The following DLG2 variants were observed in gnomAD, a reference collection of about 807,000 sequenced individuals.
DLG2 encodes disks large homolog 2.
Under a neutral mutation model 132.5 loss-of-function variants are expected in DLG2, and 45 were observed. The ratio of observed to expected loss-of-function variants is 0.34; its 90% CI spans 0.27 to 0.44. The LOEUF (loss-of-function observed/expected upper bound fraction) is 0.44, where lower values mean the gene tolerates loss of function less well. Among genes scored for constraint, DLG2 ranks in the 20% least tolerant of loss-of-function variants. The pLI, the probability that DLG2 is intolerant of heterozygous loss-of-function variation, is 1.00. For synonymous variants in DLG2, 424 were observed against 419.6 expected (o/e 1.01, Z -0.13); for missense variants, 1,045 against 1,196.9 (o/e 0.87, Z 1.87).
intron 14 of DLG2, among the ~76,000 whole-genome samples, chr11:83,934,347 T>G (rs527802656): frequency 6.6e-6 from 1 of 152,328 alleles, no homozygotes; most frequent in South Asian, 2.1e-4. Flanking sequence ...GACTCTATCT[T>G]TAAAAGTTTG....
At chr11:84,903,823 G>A (rs1007314195) in intron 6 of DLG2, among the ~76,000 whole-genome samples, 2 of 152,038 alleles carry the variant, frequency 1.3e-5, no homozygotes, top group African/African-American at 4.8e-5. Context: ...AGCCAATAAT[G>A]ATTAAAGGCA....
At chr11:84,612,066 C>G (rs2099596465) in intron 6 of DLG2, among the ~76,000 whole-genome samples, 1 of 152,180 alleles carries the variant, frequency 6.6e-6, no homozygotes. Flanking sequence ...CCATTGCTCT[C>G]AAAAGTTTCC....
At chr11:83,849,522 A>C (rs1248024874) in intron 16 of DLG2, among the ~76,000 whole-genome samples, 1 of 151,806 alleles carries the variant, frequency 6.6e-6, no homozygotes, top group Non-Finnish European at 1.5e-5. Context: ...CGAAATGTAG[A>C]ATAATAAAAG....
intron 6 of DLG2, among the ~76,000 whole-genome samples, chr11:84,640,916 G>A (rs1336873186): frequency 6.6e-6 from 1 of 150,660 alleles, no homozygotes; most frequent in Admixed American, 6.6e-5. Flanking sequence ...CTCCAGCCTG[G>A]GTGACAGAGT....
At chr11:84,363,750 C>T (rs1389075515) in intron 7 of DLG2, among the ~76,000 whole-genome samples, 1 of 151,504 alleles carries the variant, frequency 6.6e-6, no homozygotes, top group Non-Finnish European at 1.5e-5. Flanking sequence ...TTTCCCAGCA[C>T]CATTTATTAA....
At chr11:84,871,959 G>C (rs778610738) in intron 6 of DLG2, among the ~76,000 whole-genome samples, 22 of 152,280 alleles carry the variant, frequency 1.4e-4, no homozygotes, top group African/African-American at 4.8e-4. Flanking sequence ...TCAAGCGTGA[G>C]CCACCATGCC....
rs2094728695 is a variant in DLG2 at position 83,779,705 on chromosome 11, G to A, written c.1825+6985C>T. Among the ~76,000 whole-genome samples, 3 of 152,092 alleles carry A rather than the reference G, an allele frequency of 2.0e-5. No individual in the cohort carries two copies. The South Asian group carries it at 6.2e-4, about 31-fold the overall frequency. ...ATGCTGAACTTTAGTTCCTCCATAT[G>A]TGAAATGAGTAAACTTGACAAGATT... On this transcript the variant is annotated intron_variant, in intron 18 of 27. Transcript: ENST00000376104.
chr11:84,909,227 T>C (rs2091843111), intron 6 of DLG2, among the ~76,000 whole-genome samples: 1 of 152,214 alleles, frequency 6.6e-6, no homozygotes, highest in South Asian at 2.1e-4. Flanking sequence ...TCTTGCTCAT[T>C]TCTTTACAAG....
At chr11:84,586,336 T>A (rs192656771) in intron 6 of DLG2, among the ~76,000 whole-genome samples, 5 of 152,294 alleles carry the variant, frequency 3.3e-5, no homozygotes, top group African/African-American at 1.2e-4. Flanking sequence ...ACTCTAATAG[T>A]CTATTTTGTC....
chr11:83,852,516 A>C (rs539716823), intron 16 of DLG2, among the ~76,000 whole-genome samples: 1 of 152,346 alleles, frequency 6.6e-6, no homozygotes, highest in South Asian at 2.1e-4. Flanking sequence ...AAAAAGACAA[A>C]GGACTACCAT....
intron 3 of DLG2, among the ~76,000 whole-genome samples, chr11:85,529,113 T>C (rs1355145232): frequency 1.3e-5 from 2 of 152,204 alleles, no homozygotes; most frequent in African/African-American, 2.4e-5. Context: ...TTCACACAAA[T>C]ATATATGCAC....
intron 6 of DLG2, among the ~76,000 whole-genome samples, chr11:84,610,439 C>T (rs895908827): frequency 6.6e-6 from 1 of 152,028 alleles, no homozygotes. Context: ...TCAATATAGT[C>T]ATATCACCAG....
chr11:85,544,354 T>G (rs1205415013), intron 3 of DLG2, among the ~76,000 whole-genome samples: 1 of 152,186 alleles, frequency 6.6e-6, no homozygotes, highest in African/African-American at 2.4e-5. Flanking sequence ...GGTTTATATA[T>G]CTGTTTTGCT....
chr11:84,127,317 C>G (rs970308185), intron 9 of DLG2, among the ~76,000 whole-genome samples: 4 of 152,144 alleles, frequency 2.6e-5, no homozygotes, highest in Non-Finnish European at 4.4e-5. Flanking sequence ...CCAATACTCC[C>G]CAGTGATCAA....
intron 6 of DLG2, among the ~76,000 whole-genome samples, chr11:84,591,707 C>A (rs1046397048): frequency 6.6e-6 from 1 of 151,734 alleles, no homozygotes; most frequent in African/African-American, 2.4e-5. Flanking sequence ...AAAGAACTAA[C>A]AGCTTGAGGT....
intron 19 of DLG2, among the ~76,000 whole-genome samples, chr11:83,584,868 C>A (rs945143412): frequency 2.6e-5 from 4 of 152,204 alleles, no homozygotes; most frequent in Non-Finnish European, 4.4e-5. Flanking sequence ...ACTCAGTCAA[C>A]TGTAGGTGCT....
intron 6 of DLG2, among the ~76,000 whole-genome samples, chr11:85,045,540 G>T (rs1052533139): frequency 2.0e-5 from 3 of 151,898 alleles, no homozygotes; most frequent in Non-Finnish European, 1.5e-5. Context: ...AGAGGTTGTA[G>T]GAGGGCTAAA....
intron 3 of DLG2, among the ~76,000 whole-genome samples, chr11:85,292,008 T>G (rs933147069): frequency 7.9e-5 from 12 of 152,174 alleles, no homozygotes; most frequent in Admixed American, 2.6e-4. Flanking sequence ...AGCTGGACAG[T>G]ATAGCACAGG....
intron 5 of DLG2, among the ~76,000 whole-genome samples, chr11:85,126,217 T>G (rs2075094430): frequency 6.6e-6 from 1 of 152,192 alleles, no homozygotes; most frequent in African/African-American, 2.4e-5. Flanking sequence ...CGTCCATGTA[T>G]TTTCAACATT....
Sources: allele counts gnomAD v4.1 joint callset (sites outside exome capture counted in the v4.1 genomes callset), GRCh38; gene constraint gnomAD v4.1.1; transcripts MANE v1.5; gene names NCBI Gene and HGNC (gene_info 2026-07-23, HGNC 2026-07-21).